NPAS3: variants seen among roughly 807,000 people sequenced by gnomAD.
NPAS3 encodes the protein neuronal PAS domain protein 3, also known as neuronal PAS domain-containing protein 3.
NPAS3 carries 14 observed loss-of-function variants against 73.1 expected under a neutral mutation model. The observed-to-expected ratio is 0.19, with a 90% CI of 0.13 to 0.30. NPAS3 has a LOEUF of 0.30. Ranked by LOEUF, NPAS3 falls within the 10% of genes least tolerant of loss-of-function variation. NPAS3 has a pLI of 1.00. For missense variants in NPAS3, 1,096 were observed against 1,250.0 expected, an observed-to-expected ratio of 0.88 and a Z score of 1.86; for synonymous variants, 620 against 541.5, an observed-to-expected ratio of 1.14 and a Z score of -2.01.
chr14:33,636,845 G>T (rs2058532335), intron 5 of NPAS3, among the ~76,000 whole-genome samples: 1 of 151,774 alleles, frequency 6.6e-6, no homozygotes, highest in Non-Finnish European at 1.5e-5. Flanking sequence ...GAAATTTTTG[G>T]CATCTTCATT....
chr14:33,288,486 T>C (rs772976741), intron 3 of NPAS3, among the ~76,000 whole-genome samples: 2 of 152,072 alleles, frequency 1.3e-5, no homozygotes, highest in Non-Finnish European at 2.9e-5. Flanking sequence ...AATATGGCAA[T>C]TTTACTTCAA....
chr14:33,688,357 C>T (rs368439005), intron 6 of NPAS3, among the ~76,000 whole-genome samples: 27 of 152,308 alleles, frequency 1.8e-4, no homozygotes, highest in East Asian at 1.5e-3. Context: ...TGTTTTGAAA[C>T]TAGCCTTTCC....
chr14:33,628,208 A>G (rs571698460), intron 5 of NPAS3, among the ~76,000 whole-genome samples: 1 of 152,368 alleles, frequency 6.6e-6, no homozygotes, highest in South Asian at 2.1e-4. Context: ...TTTAAAATCA[A>G]TATGATTTGC....
chr14:32,953,992 A>G (rs1483635183), intron 1 of NPAS3, among the ~76,000 whole-genome samples: 1 of 152,130 alleles, frequency 6.6e-6, no homozygotes, highest in Non-Finnish European at 1.5e-5. Flanking sequence ...AGACATAGAG[A>G]CTTGTCTCTC....
chr14:33,151,376 G>A (rs187115515), intron 2 of NPAS3, among the ~76,000 whole-genome samples: 19 of 152,276 alleles, frequency 1.2e-4, no homozygotes, highest in Non-Finnish European at 2.2e-4. Context: ...AAATGTCAAC[G>A]CACAAAAGAA....
At chr14:33,655,531 A>T (rs972282336) in intron 5 of NPAS3, among the ~76,000 whole-genome samples, 2 of 152,198 alleles carry the variant, frequency 1.3e-5, no homozygotes, top group African/African-American at 4.8e-5. Flanking sequence ...AAAACAAAAT[A>T]TATGACTGTA....
chr14:33,031,747 C>T (rs2040002642), intron 1 of NPAS3, among the ~76,000 whole-genome samples: 1 of 152,238 alleles, frequency 6.6e-6, no homozygotes, highest in African/African-American at 2.4e-5. Flanking sequence ...GTTAATCCCC[C>T]TGCCTTGGCT....
At chr14:33,708,922 T>G (rs1337936970) in intron 6 of NPAS3, among the ~76,000 whole-genome samples, 1 of 152,198 alleles carries the variant, frequency 6.6e-6, no homozygotes, top group African/African-American at 2.4e-5. Flanking sequence ...TTTCTGCCTC[T>G]ACTAGACCTG....
At chr14:33,113,609 G>A (rs1190110306) in intron 2 of NPAS3, among the ~76,000 whole-genome samples, 4 of 152,132 alleles carry the variant, frequency 2.6e-5, no homozygotes, top group Non-Finnish European at 5.9e-5. Context: ...CATGTCATCT[G>A]CAAACAGGGA....
chr14:33,326,667 C>T (rs2043723487), intron 3 of NPAS3, among the ~76,000 whole-genome samples: 2 of 152,134 alleles, frequency 1.3e-5, no homozygotes, highest in African/African-American at 4.8e-5. Flanking sequence ...GTGGTCAAAA[C>T]TTTGAAAAGC....
At chr14:33,150,966 T>C (rs535771539) in intron 2 of NPAS3, among the ~76,000 whole-genome samples, 1 of 152,348 alleles carries the variant, frequency 6.6e-6, no homozygotes, top group South Asian at 2.1e-4. Flanking sequence ...GTACCACTTC[T>C]TGATTTGTTT....
intron 4 of NPAS3, among the ~76,000 whole-genome samples, chr14:33,368,606 T>C (rs1176291439): frequency 6.6e-6 from 1 of 152,230 alleles, no homozygotes; most frequent in African/African-American, 2.4e-5. Flanking sequence ...TCTTATTTCT[T>C]GTTTATCCAT....
intron 6 of NPAS3, among the ~76,000 whole-genome samples, chr14:33,690,824 T>C (rs2060215118): frequency 6.6e-6 from 1 of 151,434 alleles, no homozygotes; most frequent in South Asian, 2.1e-4. Context: ...AACTGGCATA[T>C]TTTGGAGTTC....
intron 5 of NPAS3, among the ~76,000 whole-genome samples, chr14:33,560,974 T>C (rs952147162): frequency 6.6e-6 from 1 of 152,200 alleles, no homozygotes; most frequent in African/African-American, 2.4e-5. Context: ...GTTTTCTCCA[T>C]AAAAATGCTG....
chr14:33,658,645 A>G (rs1325352559), intron 5 of NPAS3, among the ~76,000 whole-genome samples: 2 of 152,162 alleles, frequency 1.3e-5, no homozygotes, highest in Non-Finnish European at 2.9e-5. Context: ...GCCCATAGGT[A>G]GGCTCATGTC....
At chr14:33,139,507 G>A (rs532233454) in intron 2 of NPAS3, among the ~76,000 whole-genome samples, 6 of 152,194 alleles carry the variant, frequency 3.9e-5, no homozygotes, top group Middle Eastern at 3.2e-3. Context: ...TTGAGAAGAT[G>A]TGGACGGGGT....
chr14:33,296,896 C>T (rs1190253765), intron 3 of NPAS3, among the ~76,000 whole-genome samples: 3 of 152,126 alleles, frequency 2.0e-5, no homozygotes, highest in Admixed American at 2.0e-4. Context: ...GCTAACTAAC[C>T]TAGCTCTGTT....
intron 2 of NPAS3, among the ~76,000 whole-genome samples, chr14:33,099,000 G>A (rs139011272): frequency 1.3e-4 from 20 of 152,308 alleles, no homozygotes; most frequent in Non-Finnish European, 2.6e-4. Flanking sequence ...CCTTGTATCC[G>A]TGGAGCCGAG....
intron 3 of NPAS3, among the ~76,000 whole-genome samples, chr14:33,288,886 A>G (rs757228938): frequency 6.6e-5 from 10 of 152,184 alleles, no homozygotes; most frequent in Non-Finnish European, 1.5e-4. Context: ...TCTAGAATGA[A>G]CCAACGTTGG....
Sources: allele counts gnomAD v4.1 joint callset (sites outside exome capture counted in the v4.1 genomes callset), GRCh38; gene constraint gnomAD v4.1.1; transcripts MANE v1.5; gene names NCBI Gene and HGNC (gene_info 2026-07-23, HGNC 2026-07-21).